FSTL5: variants seen among roughly 807,000 people sequenced by gnomAD.
FSTL5 encodes follistatin-related protein 5.
Under a neutral mutation model 89.1 loss-of-function variants are expected in FSTL5, and 62 were observed. That is an observed-to-expected ratio of 0.70 (90% CI 0.57 to 0.86). The LOEUF is 0.86. Among genes scored for constraint, FSTL5 ranks in the 40% least tolerant of loss-of-function variants. The pLI is 0.00. For missense variants in FSTL5, 1,057 were observed against 1,001.6 expected (o/e 1.06, Z -0.75); for synonymous variants, 383 against 346.2 (o/e 1.11, Z -1.18).
chr4:161,585,709 T>C, intron 8 of FSTL5, among the ~76,000 whole-genome samples: 1 of 152,000 alleles, frequency 6.6e-6, no homozygotes, highest in Non-Finnish European at 1.5e-5. Flanking sequence ...CCATGGATGC[T>C]GCATTTACCT....
chr4:161,773,622 G>T (rs2126802046), intron 5 of FSTL5, among the ~76,000 whole-genome samples: 1 of 152,276 alleles, frequency 6.6e-6, no homozygotes, highest in African/African-American at 2.4e-5. Context: ...TCAGGGAAAT[G>T]CAAATCAAAA....
intron 5 of FSTL5, among the ~76,000 whole-genome samples, chr4:161,761,592 T>C (rs550155325): frequency 6.6e-6 from 1 of 152,322 alleles, no homozygotes; most frequent in East Asian, 1.9e-4. Context: ...CTTTACAAAC[T>C]TAATGTATTA....
At chr4:161,510,552 G>A (rs1730619279) in intron 10 of FSTL5, 128 bp from the exon 11 acceptor site, 2 of 505,996 alleles carry the variant, frequency 4.0e-6, no homozygotes, top group African/African-American at 2.0e-5. Context: ...ACGTAGTGAA[G>A]TTAATTCAGT....
intron 3 of FSTL5, among the ~76,000 whole-genome samples, chr4:162,021,255 G>T (rs1293229056): frequency 6.6e-6 from 1 of 152,032 alleles, no homozygotes; most frequent in Non-Finnish European, 1.5e-5. Context: ...AAAATAGAAA[G>T]GTTTAACTGT....
intron 8 of FSTL5, among the ~76,000 whole-genome samples, chr4:161,558,159 T>C (rs1732458124): frequency 6.6e-6 from 1 of 151,870 alleles, no homozygotes; most frequent in Non-Finnish European, 1.5e-5. Flanking sequence ...ATGTACAGTG[T>C]ATGACTCCAT....
At position 161,892,723 on chromosome 4, in the gene FSTL5, A is replaced by C. The variant is rs555999996; in HGVS notation, c.409+27681T>G. ...GTAAAATATCATTAATTTTATATAC[A>C]GGAAATTAAAATGCCTCTGAATATC... On this transcript the variant is annotated intron_variant, in intron 4 of 15. Coordinates refer to ENST00000306100, the MANE Select transcript of FSTL5 (RefSeq NM_020116.5). 9.2e-5 allele frequency among the ~76,000 whole-genome samples: 14 copies of C among 152,230 alleles called. No individual in the cohort carries two copies. In the South Asian group the frequency reaches 2.9e-3, roughly 31 times the overall value.
intron 15 of FSTL5, among the ~76,000 whole-genome samples, chr4:161,418,693 T>A (rs1023747863): frequency 6.6e-6 from 1 of 152,236 alleles, no homozygotes; most frequent in Non-Finnish European, 1.5e-5. Context: ...ATGGTAAAAC[T>A]GGGTTTATGT....
Position 161,492,908 on chromosome 4 carries a change from C to G in FSTL5, c.1458+7108G>C, listed in dbSNP as rs186800041. 4.6e-5 allele frequency among the ~76,000 whole-genome samples: 7 copies of G among 151,784 alleles called. 1 individual carries two copies. Among genetic ancestry groups the G allele is most frequent in the Admixed American group, 2.6e-4 (4 of 15,240 alleles). Reference sequence around the variant, plus strand: ...CTGAAGAGTTAATTTTTAATATTTACCAATACAAACATTTAGTAAAATAAA... The same window carrying G: ...CTGAAGAGTTAATTTTTAATATTTAGCAATACAAACATTTAGTAAAATAAA... On this transcript the variant is annotated intron_variant, in intron 12 of 15. Transcript: ENST00000306100.
intron 6 of FSTL5, among the ~76,000 whole-genome samples, chr4:161,743,637 G>C (rs764350962): frequency 6.6e-6 from 1 of 151,702 alleles, no homozygotes; most frequent in Non-Finnish European, 1.5e-5. Context: ...TACATTGAAT[G>C]GTATTGTTAT....
At chr4:161,486,448 G>A (rs1560918985) in intron 12 of FSTL5, among the ~76,000 whole-genome samples, 1 of 152,168 alleles carries the variant, frequency 6.6e-6, no homozygotes, top group Admixed American at 6.5e-5. Context: ...TTAAATAAAG[G>A]CATGTAAGTC....
At chr4:161,677,940 G>T (rs1737363192) in intron 6 of FSTL5, among the ~76,000 whole-genome samples, 1 of 151,276 alleles carries the variant, frequency 6.6e-6, no homozygotes, top group African/African-American at 2.4e-5. Flanking sequence ...TAAATATTAT[G>T]CCACACACCA....
At chr4:161,725,974 T>C (rs6820280) in intron 6 of FSTL5, among the ~76,000 whole-genome samples, 19,743 of 152,166 alleles carry the variant, frequency 0.13, 1,325 homozygotes, top group East Asian at 0.23. Flanking sequence ...ATCAACCTAA[T>C]ATAAAAATCC....
intron 4 of FSTL5, among the ~76,000 whole-genome samples, chr4:161,812,363 C>T (rs985730660): frequency 2.6e-5 from 4 of 152,068 alleles, no homozygotes; most frequent in Non-Finnish European, 5.9e-5. Context: ...AAGTACAGTC[C>T]CCTGTGCATG....
intron 13 of FSTL5, among the ~76,000 whole-genome samples, chr4:161,471,363 T>A (rs1733935526): frequency 6.6e-6 from 1 of 152,224 alleles, no homozygotes; most frequent in Admixed American, 6.5e-5. Context: ...CAATGATCTG[T>A]TTTTATATGT....
chr4:161,642,644 T>A (rs1383038881), intron 7 of FSTL5, among the ~76,000 whole-genome samples: 10 of 152,154 alleles, frequency 6.6e-5, no homozygotes, highest in African/African-American at 9.7e-5. Context: ...ACTAAATACT[T>A]ACATTTGATA....
At chr4:161,915,819 T>C (rs553652001) in intron 4 of FSTL5, among the ~76,000 whole-genome samples, 3 of 152,162 alleles carry the variant, frequency 2.0e-5, no homozygotes, top group Non-Finnish European at 4.4e-5. Flanking sequence ...TTTTTCAATG[T>C]ATATAGATTT....
chr4:161,582,671 A>G (rs1480963720), intron 8 of FSTL5, among the ~76,000 whole-genome samples: 1 of 152,106 alleles, frequency 6.6e-6, no homozygotes, highest in Non-Finnish European at 1.5e-5. Context: ...TCATTATTCT[A>G]TTTTTTGTTT....
At chr4:162,046,200 C>T (rs926860524) in intron 2 of FSTL5, among the ~76,000 whole-genome samples, 10 of 152,138 alleles carry the variant, frequency 6.6e-5, no homozygotes, top group African/African-American at 2.2e-4. Context: ...CTATAAATAA[C>T]GTAGATGTCT....
intron 3 of FSTL5, among the ~76,000 whole-genome samples, chr4:161,999,798 T>C (rs913586860): frequency 2.6e-5 from 4 of 152,210 alleles, no homozygotes; most frequent in African/African-American, 9.7e-5. Context: ...TGATACATAA[T>C]GCACACTCCC....
Sources: allele counts gnomAD v4.1 joint callset (sites outside exome capture counted in the v4.1 genomes callset), GRCh38; gene constraint gnomAD v4.1.1; transcripts MANE v1.5; gene names NCBI Gene and HGNC (gene_info 2026-07-23, HGNC 2026-07-21).